Variants in GABRB1 observed in about 807,000 individuals in gnomAD.
GABRB1 encodes the protein gamma-aminobutyric acid type A receptor subunit beta1.
In GABRB1, 17 loss-of-function variants were observed where a neutral mutation model predicts 51.6. The ratio of observed to expected loss-of-function variants is 0.33; its 90% CI spans 0.23 to 0.49. The LOEUF (loss-of-function observed/expected upper bound fraction) is 0.49. Among genes scored for constraint, GABRB1 ranks in the 20% least tolerant of loss-of-function variants. GABRB1 has a pLI of 0.99. For missense variants in GABRB1, 410 were observed against 600.6 expected, an observed-to-expected ratio of 0.68 and a Z score of 3.32; for synonymous variants, 247 against 218.9, an observed-to-expected ratio of 1.13 and a Z score of -1.14.
intron 5 of GABRB1, among the ~76,000 whole-genome samples, chr4:47,349,342 A>G (rs970335934): frequency 6.6e-6 from 1 of 152,192 alleles, no homozygotes; most frequent in Admixed American, 6.5e-5. Flanking sequence ...AAGAAGGAAC[A>G]GCCAGAGAAA....
intron 4 of GABRB1, among the ~76,000 whole-genome samples, chr4:47,275,520 G>A (rs752914723): frequency 1.3e-5 from 2 of 152,040 alleles, no homozygotes; most frequent in Non-Finnish European, 2.9e-5. Flanking sequence ...GTCTTTTGAG[G>A]GACTAAATAA....
intron 4 of GABRB1, among the ~76,000 whole-genome samples, chr4:47,204,630 G>T (rs190280720): frequency 1.9e-4 from 29 of 152,204 alleles, no homozygotes; most frequent in African/African-American, 5.8e-4. Context: ...AATTATGGGG[G>T]TGGGTCTTTC....
chr4:47,302,721 G>A lies in GABRB1; in HGVS notation c.462-17406G>A, dbSNP rs148881152. Among the ~76,000 whole-genome samples the A allele has an allele frequency of 3.7e-3, 569 of 151,980 alleles. 9 individuals are homozygous for A. The highest frequency in any genetic ancestry group is 0.023 in the Admixed American group (354 of 15,258). On this transcript the variant is annotated intron_variant, in intron 4 of 8. Transcript: ENST00000295454. ...CTACTAAAATGTAGCTCTAATTTAC[G>A]CAGTTCTTGTGTAATAGGACTTCAC...
chr4:47,388,208 T>C (rs929199582), intron 5 of GABRB1, among the ~76,000 whole-genome samples: 1 of 152,204 alleles, frequency 6.6e-6, no homozygotes, highest in African/African-American at 2.4e-5. Context: ...GTAAATTATG[T>C]TTAACATGGA....
At chr4:47,143,644 T>C (rs191089522) in intron 3 of GABRB1, among the ~76,000 whole-genome samples, 27 of 152,134 alleles carry the variant, frequency 1.8e-4, no homozygotes, top group African/African-American at 6.0e-4. Context: ...TGGATCAGAT[T>C]GATCCTGTAC....
chr4:47,412,226 C>A (rs1226113173), intron 8 of GABRB1, among the ~76,000 whole-genome samples: 5 of 152,128 alleles, frequency 3.3e-5, no homozygotes, highest in Non-Finnish European at 5.9e-5. Flanking sequence ...GAGCCCTTGT[C>A]TTTTACATTC....
chr4:47,347,498 T>A (rs1726145047), intron 5 of GABRB1, among the ~76,000 whole-genome samples: 1 of 152,126 alleles, frequency 6.6e-6, no homozygotes, highest in Non-Finnish European at 1.5e-5. Context: ...AAGAATGCCG[T>A]ATATGCTGTT....
chr4:47,018,748 T>C (rs1414617301), intron 1 of GABRB1, among the ~76,000 whole-genome samples: 1 of 152,184 alleles, frequency 6.6e-6, no homozygotes, highest in Non-Finnish European at 1.5e-5. Context: ...TATTATTCAC[T>C]AAGTGGAAGT....
Position 47,032,442 on chromosome 4 carries a change from G to T in GABRB1, c.198G>T (p.Arg66=), listed in dbSNP as rs2109469102. The T allele has an allele frequency of 6.3e-7, 1 of 1,599,918 alleles. No individual in the cohort carries two copies. The highest frequency in any genetic ancestry group is 8.5e-7 in the Non-Finnish European group (1 of 1,170,778). ...FGGPPVDVGM[R]IDVASIDMVS... ...GGCCCCCCGTCGACGTTGGGATGCG[G>T]ATCGATGTCGCCAGCATAGACATGG... Residue 66 remains arginine, a synonymous_variant, in exon 3 of 9, where the codon CGG becomes CGT. Transcript: ENST00000295454.
In GABRB1 at chr4:47,423,774, T is replaced by C. The variant is rs559531827; in HGVS notation, c.1081-1900T>C. Among the ~76,000 whole-genome samples the C allele has an allele frequency of 6.6e-5, 10 of 152,346 alleles. No homozygotes were observed. The South Asian group carries it at 2.1e-3, about 32-fold the overall frequency. The stretch of plus-strand genomic sequence containing the variant: ...TTTGGTACTTGTTGTTTAATCTTAT[T>C]GTTTAATTTACTTAACTTCTTTGAG... On this transcript the variant is annotated intron_variant, in intron 8 of 8. Transcript: ENST00000295454.
intron 1 of GABRB1, among the ~76,000 whole-genome samples, chr4:47,017,625 T>TCCACAC (rs1724788125): frequency 6.6e-6 from 1 of 152,010 alleles, no homozygotes; most frequent in Non-Finnish European, 1.5e-5. Flanking sequence ...GATTTATTTT[T>TCCACAC]TCACACTCAC....
chr4:47,363,821 G>T (rs1389835830), intron 5 of GABRB1, among the ~76,000 whole-genome samples: 4 of 152,138 alleles, frequency 2.6e-5, no homozygotes, highest in Non-Finnish European at 5.9e-5. Context: ...CATAAGAGGT[G>T]ATTAATACCA....
At chr4:47,296,873 A>T (rs1475447070) in intron 4 of GABRB1, among the ~76,000 whole-genome samples, 2 of 152,250 alleles carry the variant, frequency 1.3e-5, no homozygotes, top group African/African-American at 2.4e-5. Flanking sequence ...AGCTCTCCTC[A>T]GCAAACGTAA....
intron 3 of GABRB1, among the ~76,000 whole-genome samples, chr4:47,102,196 G>T (rs903863108): frequency 6.6e-6 from 1 of 151,950 alleles, no homozygotes. Context: ...GACAGATTAG[G>T]AATCCTAGTA....
chr4:47,081,992 A>C (rs1335262667), intron 3 of GABRB1, among the ~76,000 whole-genome samples: 1 of 152,162 alleles, frequency 6.6e-6, no homozygotes, highest in South Asian at 2.1e-4. Flanking sequence ...ATAGTTGCTT[A>C]TTTCACAAAA....
At chr4:47,389,638 G>A (rs1236645847) in intron 5 of GABRB1, among the ~76,000 whole-genome samples, 1 of 152,178 alleles carries the variant, frequency 6.6e-6, no homozygotes, top group East Asian at 1.9e-4. Flanking sequence ...TTCTTGGGGT[G>A]TCATGGAGAT....
chr4:47,075,796 T>G (rs983052220), intron 3 of GABRB1, among the ~76,000 whole-genome samples: 1 of 152,286 alleles, frequency 6.6e-6, no homozygotes, highest in South Asian at 2.1e-4. Context: ...AGGCTGGCAG[T>G]GGATATTTAA....
chr4:47,169,527 GT>G (rs1718350486), intron 4 of GABRB1, among the ~76,000 whole-genome samples: 2 of 150,450 alleles, frequency 1.3e-5, no homozygotes, highest in African/African-American at 4.9e-5. Flanking sequence ...TTGAGACTGA[GT>G]TTTGCTCTTG....
At chr4:47,094,008 A>G (rs997410700) in intron 3 of GABRB1, among the ~76,000 whole-genome samples, 2 of 151,784 alleles carry the variant, frequency 1.3e-5, no homozygotes, top group Admixed American at 6.6e-5. Flanking sequence ...CTAGTATTCC[A>G]TAACATTCTC....
Sources: allele counts gnomAD v4.1 joint callset (sites outside exome capture counted in the v4.1 genomes callset), GRCh38; gene constraint gnomAD v4.1.1; transcripts MANE v1.5; gene names NCBI Gene and HGNC (gene_info 2026-07-23, HGNC 2026-07-21).